Variants in KRT7 observed in about 807,000 individuals in gnomAD.
KRT7 encodes keratin, type II cytoskeletal 7.
Under a neutral mutation model 42.8 loss-of-function variants are expected in KRT7, and 50 were observed. The ratio of observed to expected loss-of-function variants is 1.17; its 90% CI spans 0.93 to 1.48. The LOEUF is 1.48. Among genes scored for constraint, KRT7 ranks in the 40% most tolerant of loss-of-function variants. The pLI is 0.00. For missense variants in KRT7, 588 were observed against 637.6 expected, an observed-to-expected ratio of 0.92 and a Z score of 0.84; for synonymous variants, 268 against 266.3, an observed-to-expected ratio of 1.01 and a Z score of -0.06.
rs1942087954 is a variant in KRT7 at position 52,241,461 on chromosome 12, G to A, written c.694-11G>A. 2 of 1,602,336 alleles carry A rather than the reference G, an allele frequency of 1.2e-6. No individual in the cohort carries two copies. Among genetic ancestry groups the A allele is most frequent in the South Asian group, 2.2e-5 (2 of 89,468 alleles). ...TGCCCTAAGTCCTGATGTCCCGTCTGGTCCCTACAGGAGTTGACAGAGCTG... is the reference window on the plus strand; with the variant it reads ...TGCCCTAAGTCCTGATGTCCCGTCTAGTCCCTACAGGAGTTGACAGAGCTG... On this transcript the variant is annotated splice_polypyrimidine_tract_variant and intron_variant, in intron 4 of 8. Coordinates refer to ENST00000331817, the MANE Select transcript of KRT7 (RefSeq NM_005556.4).
chr12:52,237,480 C>T (rs1309835298), intron 2 of KRT7, 29 bp from the exon 3 acceptor site: 2 of 1,557,774 alleles, frequency 1.3e-6, no homozygotes, highest in Non-Finnish European at 1.8e-6. Context: ...GGCAAAGCTG[C>T]ATCAACACCA....
intron 5 of KRT7, 65 bp from the exon 6 acceptor site, chr12:52,242,947 G>A (rs1942115379): frequency 1.3e-5 from 20 of 1,516,660 alleles, no homozygotes; most frequent in Non-Finnish European, 1.8e-5. Flanking sequence ...TGGGTGGGGA[G>A]AGGGATGAGT....
chr12:52,242,573 C>T (rs1167989133), intron 5 of KRT7, among the ~76,000 whole-genome samples: 1 of 152,152 alleles, frequency 6.6e-6, no homozygotes, highest in East Asian at 1.9e-4. Flanking sequence ...TGGGTGAGAA[C>T]ACAAGTATGC....
intron 4 of KRT7, among the ~76,000 whole-genome samples, chr12:52,240,919 C>T (rs1183926035): frequency 6.7e-6 from 1 of 148,748 alleles, no homozygotes; most frequent in Non-Finnish European, 1.5e-5. Context: ...GCTATCACTC[C>T]CCCCTCCCCC....
chr12:52,239,169 A>T (rs1942050004), intron 4 of KRT7, among the ~76,000 whole-genome samples: 2 of 152,084 alleles, frequency 1.3e-5, no homozygotes, highest in African/African-American at 4.8e-5. Context: ...TGCAGCCTAC[A>T]ATGCATTGCA....
At chr12:52,239,952 C>G (rs1353167868) in intron 4 of KRT7, among the ~76,000 whole-genome samples, 1 of 152,194 alleles carries the variant, frequency 6.6e-6, no homozygotes, top group East Asian at 1.9e-4. Context: ...AGAGGCTAGG[C>G]TGGGCATAAT....
chr12:52,241,330 G>A, intron 4 of KRT7, 142 bp from the exon 5 acceptor site: 1 of 651,034 alleles, frequency 1.5e-6, no homozygotes, highest in Non-Finnish European at 2.6e-6. Context: ...ATGTGTGCTG[G>A]GTCTGGGCCC....
In KRT7 at chr12:52,233,272, C is replaced by T. The variant is rs557151329; in HGVS notation, c.-25C>T. On this transcript the variant is annotated 5_prime_UTR_variant, in exon 1 of 9. Transcript: ENST00000331817. The stretch of plus-strand genomic sequence containing the variant: ...AGTGCGCGCTCCTCCTCGCCCGCCG[C>T]TAGGTCCATCCCGGCCCAGCCACCA... 1.3e-5 allele frequency: 20 copies of T among 1,508,264 alleles called. No individual in the cohort carries two copies. The African/African-American group carries it at 2.2e-4, about 17-fold the overall frequency. 93.4% of individuals were successfully genotyped at this position (1,508,264 alleles called of 1,614,324 possible). A position where few individuals can be genotyped will look rare whatever the true frequency, so the allele number is the denominator to read the frequency against.
chr12:52,247,344 C>A (rs1317648), intron 7 of KRT7: 36,008 of 152,160 alleles, frequency 0.24, 4,710 homozygotes, highest in Admixed American at 0.28. Flanking sequence ...CAGCAGGGGC[C>A]ATTTAAGCAA....
rs1207044868 is a variant in KRT7, at chr12:52,233,517, C to T, written c.221C>T (p.Ala74Val). 1 of 1,612,890 alleles carries T rather than the reference C, an allele frequency of 6.2e-7. No homozygotes were observed. The highest frequency in any genetic ancestry group is 1.1e-5 in the South Asian group (1 of 91,048). Residue 74 changes from alanine to valine, a missense_variant, in exon 1 of 9, where the codon GCC becomes GTC. By Grantham distance (64) the Ala-to-Val change is moderately conservative (BLOSUM62 0). Coordinates refer to ENST00000331817, the MANE Select transcript of KRT7 (RefSeq NM_005556.4). ...GTCACCATTAACCAGAGCCTGCTGG[C>T]CCCGCTGCGGCTGGACGCCGACCCC... ...REVTINQSLL[A>V]PLRLDADPSL...
intron 6 of KRT7, chr12:52,243,339 T>C: frequency 1.7e-6 from 1 of 596,170 alleles, no homozygotes; most frequent in Non-Finnish European, 2.8e-6. Flanking sequence ...AGGTCCTGGA[T>C]GTGCACAGAG....
downstream of KRT7, chr12:52,252,267 C>T (rs1317063601): frequency 4.3e-6 from 7 of 1,612,924 alleles, no homozygotes; most frequent in Admixed American, 3.3e-5. Context: ...CTCACCTCTG[C>T]TCCTCGCCCT....
chr12:52,233,669 A>C, intron 1 of KRT7, 49 bp downstream of exon 1: 1 of 1,584,664 alleles, frequency 6.3e-7, no homozygotes. Context: ...TCCAGACCAC[A>C]CCAGCCGCCC....
At chr12:52,248,510 G>T in intron 8 of KRT7, 81 bp from the exon 9 acceptor site, 2 of 1,382,084 alleles carry the variant, frequency 1.4e-6, no homozygotes, top group Non-Finnish European at 2.0e-6. Flanking sequence ...AGCTGGGGCA[G>T]GAGGGTGGGG....
Position 52,238,798 on chromosome 12 carries a change from A to G in KRT7, c.693+23A>G, listed in dbSNP as rs1329822462. 2.1e-6 allele frequency: 3 copies of G among 1,455,254 alleles called. No individual in the cohort carries two copies. The South Asian group carries it at 3.4e-5, about 17-fold the overall frequency. 90.1% of individuals were successfully genotyped at this position (1,455,254 alleles called of 1,614,324 possible). On this transcript the variant is annotated intron_variant, in intron 4 of 8. Coordinates refer to ENST00000331817, the MANE Select transcript of KRT7 (RefSeq NM_005556.4). The stretch of plus-strand genomic sequence containing the variant: ...ACGGTGAGGACCATGGAGCTGGGTG[A>G]CATGTCTTATCCTACCCATTCTAAC...
intron 4 of KRT7, among the ~76,000 whole-genome samples, chr12:52,240,259 A>G (rs565466738): frequency 6.6e-6 from 1 of 152,278 alleles, no homozygotes; most frequent in Non-Finnish European, 1.5e-5. Flanking sequence ...GTGTATATAT[A>G]TAAAGTTGTT....
At chr12:52,255,645 C>T (rs1942324174), downstream of KRT7, among the ~76,000 whole-genome samples, 1 of 152,124 alleles carries the variant, frequency 6.6e-6, no homozygotes, top group African/African-American at 2.4e-5. Flanking sequence ...AGGGTGGGGG[C>T]CCTGCACATT....
intron 5 of KRT7, 128 bp from the exon 6 acceptor site, chr12:52,242,884 G>T: frequency 9.1e-7 from 1 of 1,097,614 alleles, no homozygotes; most frequent in Non-Finnish European, 1.3e-6. Flanking sequence ...ATCGGGCAAA[G>T]GTTGATGGGA....
chr12:52,248,760 A>G lies in KRT7; in HGVS notation c.1410A>G (p.Ter470TrpextTer40), dbSNP rs1325469819. The G allele has an allele frequency of 6.4e-7, 1 of 1,552,564 alleles. No homozygotes were observed. The highest frequency in any genetic ancestry group is 8.7e-7 in the Non-Finnish European group (1 of 1,152,436). ...ASASRRSARD[*>W] ...CCAGTCGCAGGAGTGCCCGCGACTGAGCCGCCTCCCACCACTCCACTCCTC... is the reference window on the plus strand; with the variant it reads ...CCAGTCGCAGGAGTGCCCGCGACTGGGCCGCCTCCCACCACTCCACTCCTC... The change falls in exon 9 of 9, where the codon TGA (stop) becomes TGG (tryptophan). Residue 470 changes from the stop codon to tryptophan, a stop_lost. Transcript: ENST00000331817.
Sources: gnomAD v4.1 joint callset for allele counts (sites outside exome capture counted in the v4.1 genomes callset) on GRCh38, gnomAD v4.1.1 for gene constraint, MANE v1.5 for transcripts, NCBI Gene and HGNC (gene_info 2026-07-23, HGNC 2026-07-21) for gene names.